CFH: variants seen among roughly 807,000 people sequenced by gnomAD.
CFH encodes the protein H factor 1 (complement).
Under a neutral mutation model 147.3 loss-of-function variants are expected in CFH, and 53 were observed. That is an observed-to-expected ratio of 0.36 (90% CI 0.29 to 0.45). The LOEUF (loss-of-function observed/expected upper bound fraction) is 0.45. Among genes scored for constraint, CFH ranks in the 20% least tolerant of loss-of-function variants. The probability of loss-of-function intolerance (pLI) is 1.00; values close to 1 mark genes in which losing one functional copy is unlikely to be tolerated. For synonymous variants in CFH, 536 were observed against 489.4 expected, an observed-to-expected ratio of 1.10 and a Z score of -1.26; for missense variants, 1,380 against 1,498.0, an observed-to-expected ratio of 0.92 and a Z score of 1.30.
Position 196,695,044 on chromosome 1 carries a change from A to G in CFH, c.1336+4805A>G, listed in dbSNP as rs534958530. On this transcript the variant is annotated intron_variant, in intron 9 of 21. Coordinates refer to ENST00000367429, the MANE Select transcript of CFH (RefSeq NM_000186.4). ...TTTGTCAATTTTGGCCTTTGTTGCC[A>G]TTGCTTTTGGTGTTTTAGTCATGAA... Among the ~76,000 whole-genome samples the G allele has an allele frequency of 3.3e-5, 5 of 152,218 alleles. No individual in the cohort carries two copies. The East Asian group carries it at 9.6e-4, about 29-fold the overall frequency.
At chr1:196,691,599 T>C (rs12726401) in intron 9 of CFH, among the ~76,000 whole-genome samples, 29,399 of 151,734 alleles carry the variant, frequency 0.19, 3,584 homozygotes, top group African/African-American at 0.34. Context: ...ATTTTCTTTA[T>C]TTACCTTTTT....
rs539617703 is a variant in CFH at position 196,683,113 on chromosome 1, G to T, written c.791-1951G>T. 6.0e-5 allele frequency among the ~76,000 whole-genome samples: 9 copies of T among 151,062 alleles called. No individual in the cohort carries two copies. The South Asian group carries it at 1.9e-3, about 31-fold the overall frequency. ...AATTAAAAAATTAAGTAAAGTACAA[G>T]AGGAGAAGCAAAAAATATAAAGTAA... On this transcript the variant is annotated intron_variant, in intron 6 of 21. Transcript: ENST00000367429.
Position 196,737,673 on chromosome 1 carries a change from T to A in CFH, c.2782+13T>A. 1.2e-6 allele frequency: 2 copies of A among 1,608,300 alleles called. No homozygotes were observed. Among genetic ancestry groups the A allele is most frequent in the Non-Finnish European group, 1.7e-6 (2 of 1,175,102 alleles). Reference sequence around the variant, plus strand: ...CCTCAGTGTGAAGGTTAGGCCAATATGAATACTCAATTTCTGTTTATAGTA... The same window carrying A: ...CCTCAGTGTGAAGGTTAGGCCAATAAGAATACTCAATTTCTGTTTATAGTA... On this transcript the variant is annotated intron_variant, in intron 17 of 21. Coordinates refer to ENST00000367429, the MANE Select transcript of CFH (RefSeq NM_000186.4).
chr1:196,704,645 A>T (rs1419169765), intron 9 of CFH, among the ~76,000 whole-genome samples: 1 of 152,214 alleles, frequency 6.6e-6, no homozygotes, highest in Non-Finnish European at 1.5e-5. Context: ...TTTGTGCAGG[A>T]GTGGCGCTGC....
intron 6 of CFH, 53 bp downstream of exon 6, chr1:196,679,846 T>A (rs1667588714): frequency 5.6e-6 from 8 of 1,434,132 alleles, no homozygotes; most frequent in Non-Finnish European, 6.7e-6. Context: ...ATATTTTAAT[T>A]AATTCTTTTA....
At chr1:196,743,737 T>C in intron 20 of CFH, 109 bp downstream of exon 20, 2 of 1,465,770 alleles carry the variant, frequency 1.4e-6, no homozygotes, top group Non-Finnish European at 1.9e-6. Context: ...CAAATGCAAA[T>C]AAAATGACTG....
chr1:196,718,237 G>A (rs866920856), intron 11 of CFH, among the ~76,000 whole-genome samples: 51 of 151,906 alleles, frequency 3.4e-4, no homozygotes, highest in Non-Finnish European at 2.4e-4. Context: ...AAAGAGATAA[G>A]CCAAATATCC....
Position 196,686,881 on chromosome 1 carries a change from A to G in CFH, c.964+1644A>G, listed in dbSNP as rs900680424. On this transcript the variant is annotated intron_variant, in intron 7 of 21. Coordinates refer to ENST00000367429, the MANE Select transcript of CFH (RefSeq NM_000186.4). ...GGTTTATCAGTTTTTAATTTCATTA[A>G]ATAACCATATCTAATTATCAGACGC... Among the ~76,000 whole-genome samples, 30 of 152,090 alleles carry G rather than the reference A, an allele frequency of 2.0e-4. 1 individual carries two copies. The highest frequency in any genetic ancestry group is 6.5e-4 in the African/African-American group (27 of 41,432).
chr1:196,725,172 A>G lies in CFH; in HGVS notation c.1748A>G (p.Lys583Arg), dbSNP rs1332043837. The G allele has an allele frequency of 1.2e-6, 2 of 1,613,912 alleles. No homozygotes were observed. Among genetic ancestry groups the G allele is most frequent in the East Asian group, 2.2e-5 (1 of 44,822 alleles). ...KIDVHLVPDR[K>R]KDQYKVGEVL... ...GATGTACACTTAGTTCCTGATCGCA[A>G]GAAAGACCAGTATAAAGTTGGAGAG... Residue 583 changes from lysine (K) to arginine (R), a missense_variant, in exon 12 of 22, where the codon AAG (lysine) becomes AGG (arginine). Transcript: ENST00000367429.
chr1:196,717,897 A>T (rs1461318656), intron 11 of CFH, among the ~76,000 whole-genome samples: 1 of 152,046 alleles, frequency 6.6e-6, no homozygotes, highest in East Asian at 1.9e-4. Flanking sequence ...GTGACAGGAG[A>T]TGGGAAGGAA....
chr1:196,692,096 T>A (rs1425753807), intron 9 of CFH, among the ~76,000 whole-genome samples: 4 of 152,068 alleles, frequency 2.6e-5, no homozygotes, highest in African/African-American at 9.7e-5. Context: ...AACAATTTTT[T>A]AACCAGCATT....
At chr1:196,677,900 G>C (rs1667513082) in intron 5 of CFH, 1 of 480,286 alleles carries the variant, frequency 2.1e-6, no homozygotes, top group Non-Finnish European at 3.8e-6. Flanking sequence ...GAAGAGACTG[G>C]TGCAAAGAAG....
chr1:196,667,277 A>C (rs1667133198), intron 1 of CFH, among the ~76,000 whole-genome samples: 1 of 152,242 alleles, frequency 6.6e-6, no homozygotes, highest in South Asian at 2.1e-4. Flanking sequence ...CAATATGGTC[A>C]ATTTCAAGTT....
chr1:196,703,309 C>G (rs1322114275), intron 9 of CFH, among the ~76,000 whole-genome samples: 1 of 152,158 alleles, frequency 6.6e-6, no homozygotes, highest in Non-Finnish European at 1.5e-5. Flanking sequence ...CTTACTGCAA[C>G]AGGGGGGACA....
chr1:196,657,500 G>T lies in CFH; in HGVS notation c.58+5325G>T, dbSNP rs146499411. Among the ~76,000 whole-genome samples the T allele has an allele frequency of 6.6e-5, 10 of 152,158 alleles. No homozygotes were observed. In the South Asian group the frequency reaches 2.1e-3, roughly 32 times the overall value. The stretch of plus-strand genomic sequence containing the variant: ...GGAAAAACTGACTTTTCGTACATGC[G>T]GTTTCCAGAGAGCCAAATGTAGAAT... On this transcript the variant is annotated intron_variant, in intron 1 of 21. Coordinates refer to ENST00000367429, the MANE Select transcript of CFH (RefSeq NM_000186.4).
At chr1:196,653,711 CA>C (rs1292720258) in intron 1 of CFH, among the ~76,000 whole-genome samples, 1 of 152,004 alleles carries the variant, frequency 6.6e-6, no homozygotes, top group African/African-American at 2.4e-5. Context: ...ATCTTATTTA[CA>C]TAATTGATTA....
At position 196,726,884 on chromosome 1, in the gene CFH, G is replaced by A; in HGVS notation, c.2180G>A (p.Gly727Glu). 1.2e-6 allele frequency: 2 copies of A among 1,613,652 alleles called. No homozygotes were observed. Among genetic ancestry groups the A allele is most frequent in the Non-Finnish European group, 8.5e-7 (1 of 1,179,694 alleles). The change falls in exon 14 of 22, where the codon GGA (glycine) becomes GAA (glutamate). Residue 727 changes from glycine (G) to glutamate (E), a missense_variant. Coordinates refer to ENST00000367429, the MANE Select transcript of CFH (RefSeq NM_000186.4). ...TGCTCAGAATCATTTACAATGATTG[G>A]ACACAGATCAATTACGTGTATTCAT... is the stretch of plus-strand genomic sequence containing the variant. ...FNCSESFTMI[G>E]HRSITCIHGV...
At chr1:196,724,990 C>T (rs1019826500) in intron 11 of CFH, 131 bp from the exon 12 acceptor site, 15 of 693,702 alleles carry the variant, frequency 2.2e-5, no homozygotes, top group Non-Finnish European at 3.7e-5. Context: ...GCATTCTTTA[C>T]AGGGAAAAGG....
At chr1:196,685,962 G>A (rs150786100) in intron 7 of CFH, among the ~76,000 whole-genome samples, 126 of 152,254 alleles carry the variant, frequency 8.3e-4, no homozygotes, top group Non-Finnish European at 1.5e-3. Flanking sequence ...AGCCTGTACA[G>A]GAAGCATGGC....
Sources: gnomAD v4.1 joint callset for allele counts (sites outside exome capture counted in the v4.1 genomes callset) on GRCh38, gnomAD v4.1.1 for gene constraint, MANE v1.5 for transcripts, NCBI Gene and HGNC (gene_info 2026-07-23, HGNC 2026-07-21) for gene names.